COMMD2: variants seen among roughly 807,000 people sequenced by gnomAD.
COMMD2 encodes COMM domain-containing protein 2.
In COMMD2, 25 loss-of-function variants were observed where a neutral mutation model predicts 22.5. The ratio of observed to expected loss-of-function variants is 1.11; its 90% confidence interval spans 0.81 to 1.55. The LOEUF is 1.55. COMMD2 is among the 40% of genes most tolerant of loss of function. COMMD2 has a pLI of 0.00. For missense variants in COMMD2, 223 were observed against 232.9 expected (o/e 0.96, Z 0.28); for synonymous variants, 98 against 91.2 (o/e 1.07, Z -0.42).
Position 149,751,464 on chromosome 3 carries a change from T to G in COMMD2, c.167A>C (p.Asp56Ala), listed in dbSNP as rs1324688861. Residue 56 changes from aspartate to alanine, a missense_variant, in exon 3 of 5, where the codon GAC (aspartate) becomes GCC (alanine). Transcript: ENST00000473414. ...TCCTTCCACACCATGCTGGACAGTG[T>G]CACTACTCACATTGAGTTTTCCTGA... Reference protein sequence around the residue: ...GAARKLNVSSDTVQHGVEGLT... With the variant: ...GAARKLNVSSATVQHGVEGLT... 2 of 1,605,434 alleles carry G rather than the reference T, an allele frequency of 1.2e-6. No individual in the cohort carries two copies. Among genetic ancestry groups the G allele is most frequent in the South Asian group, 1.1e-5 (1 of 88,942 alleles).
At chr3:149,745,915 G>A (rs1716354141) in intron 4 of COMMD2, among the ~76,000 whole-genome samples, 1 of 152,124 alleles carries the variant, frequency 6.6e-6, no homozygotes, top group African/African-American at 2.4e-5. Flanking sequence ...TGTGTTAGTG[G>A]TTGTTTTTCC....
chr3:149,744,191 C>T (rs1333430123), intron 4 of COMMD2, among the ~76,000 whole-genome samples: 2 of 151,364 alleles, frequency 1.3e-5, no homozygotes, highest in Non-Finnish European at 2.9e-5. Context: ...TATGTCAATG[C>T]AAATTAGAAA....
chr3:149,748,883 G>A (rs982384860), intron 4 of COMMD2, among the ~76,000 whole-genome samples: 3 of 152,190 alleles, frequency 2.0e-5, no homozygotes, highest in Non-Finnish European at 4.4e-5. Context: ...AGCAGAAAAC[G>A]CATTTCACAT....
Position 149,741,056 on chromosome 3 carries a change from A to C in COMMD2, c.*465T>G, listed in dbSNP as rs1716199333. 6.6e-6 allele frequency: 1 copy of C among 152,106 alleles called. No individual in the cohort carries two copies. Among genetic ancestry groups the C allele is most frequent in the African/African-American group, 2.4e-5 (1 of 41,316 alleles). 9.4% of individuals were successfully genotyped at this position (152,106 alleles called of 1,614,324 possible). On this transcript the variant is annotated 3_prime_UTR_variant, in exon 5 of 5. Coordinates refer to ENST00000473414, the MANE Select transcript of COMMD2 (RefSeq NM_016094.4). ...TGATTACTTTTTTATTTTTATTTTT[A>C]CTTTATTATTATTATTATTATTTTT...
chr3:149,747,070 G>T (rs1282007987), intron 4 of COMMD2, among the ~76,000 whole-genome samples: 2 of 152,162 alleles, frequency 1.3e-5, no homozygotes, highest in Admixed American at 1.3e-4. Flanking sequence ...ATGAGATTTG[G>T]GTGGGGACAT....
At chr3:149,751,303 T>C in intron 3 of COMMD2, 100 bp downstream of exon 3, 1 of 1,555,552 alleles carries the variant, frequency 6.4e-7, no homozygotes, top group Non-Finnish European at 8.7e-7. Context: ...ATTAACAACA[T>C]TATTAAAACA....
At chr3:149,751,132 C>T (rs1183302528) in intron 3 of COMMD2, among the ~76,000 whole-genome samples, 1 of 152,134 alleles carries the variant, frequency 6.6e-6, no homozygotes, top group Admixed American at 6.5e-5. Flanking sequence ...ATACAGTCTC[C>T]CTCCTCTTAT....
rs759325062 is a variant in COMMD2, at chr3:149,752,368, G to A, written c.67+10C>T. 1.9e-6 allele frequency: 3 copies of A among 1,614,036 alleles called. No homozygotes were observed. Among genetic ancestry groups the A allele is most frequent in the Non-Finnish European group, 2.5e-6 (3 of 1,179,910 alleles). On this transcript the variant is annotated intron_variant, in intron 1 of 4. Transcript: ENST00000473414. ...CCAGCCCACAGAACACCGCCCCCAC[G>A]CCCGCTGACCCGCGCTGTCCACTTG...
intron 4 of COMMD2, among the ~76,000 whole-genome samples, chr3:149,743,125 ATTTGT>A (rs577364353): frequency 3.0e-4 from 45 of 152,230 alleles, no homozygotes; most frequent in Middle Eastern, 3.4e-3. Flanking sequence ...GTGTACTGGT[ATTTGT>A]TTTATCATTA....
intron 4 of COMMD2, among the ~76,000 whole-genome samples, chr3:149,742,872 A>T (rs1481183054): frequency 6.6e-6 from 1 of 151,854 alleles, no homozygotes; most frequent in Non-Finnish European, 1.5e-5. Flanking sequence ...AGGCTGAGGC[A>T]GGAAAACTGC....
intron 4 of COMMD2, among the ~76,000 whole-genome samples, chr3:149,746,219 T>G (rs1716360604): frequency 6.6e-6 from 1 of 152,198 alleles, no homozygotes; most frequent in African/African-American, 2.4e-5. Flanking sequence ...GGTGTGAAAT[T>G]TCCTACTTTT....
chr3:149,746,168 T>C (rs1029530287), intron 4 of COMMD2, among the ~76,000 whole-genome samples: 2 of 152,214 alleles, frequency 1.3e-5, no homozygotes, highest in Middle Eastern at 3.2e-3. Context: ...TAGTGCTGCC[T>C]GACTTCTAAT....
In COMMD2 at chr3:149,751,445, C is replaced by G; in HGVS notation, c.186G>C (p.Val62=). 6.2e-7 allele frequency: 1 copy of G among 1,613,930 alleles called. No individual in the cohort carries two copies. Among genetic ancestry groups the G allele is most frequent in the Non-Finnish European group, 8.5e-7 (1 of 1,179,930 alleles). The part of the protein sequence containing the change: ...NVSSDTVQHG[V]EGLTYLLTES... ...CAGTGAGGAGATACGTTAATCCTTC[C>G]ACACCATGCTGGACAGTGTCACTAC... The change falls in exon 3 of 5, where the codon GTG becomes GTC. Residue 62 remains valine (V), a synonymous_variant. Transcript: ENST00000473414.
At chr3:149,746,481 T>C (rs1317515987) in intron 4 of COMMD2, among the ~76,000 whole-genome samples, 1 of 152,058 alleles carries the variant, frequency 6.6e-6, no homozygotes, top group Non-Finnish European at 1.5e-5. Context: ...GGGTAATTTA[T>C]AAAGAAAAGG....
At chr3:149,745,346 C>T (rs896086050) in intron 4 of COMMD2, among the ~76,000 whole-genome samples, 1 of 152,212 alleles carries the variant, frequency 6.6e-6, no homozygotes, top group Non-Finnish European at 1.5e-5. Context: ...CCCTGCCACC[C>T]ACTCTTTCTG....
chr3:149,751,831 CTTT>C (rs11354448), intron 2 of COMMD2: 952 of 196,270 alleles, frequency 4.9e-3, no homozygotes, highest in East Asian at 9.9e-3. Context: ...TAAAACAACA[CTTT>C]TTTTTTTTTT....
rs575135432 is a variant in COMMD2 at position 149,739,230 on chromosome 3, T to C, written c.*2291A>G. On this transcript the variant is annotated 3_prime_UTR_variant, in exon 5 of 5. Transcript: ENST00000473414. ...GAACAGTGACTACCTCTAAAGAAAA[T>C]TATGTTCATATACAAGCTACAACAA... is the stretch of plus-strand genomic sequence containing the variant. The C allele has an allele frequency of 1.3e-5, 2 of 152,050 alleles. No homozygotes were observed. Among genetic ancestry groups the C allele is most frequent in the South Asian group, 4.1e-4 (2 of 4,832 alleles). The allele number at this position is 152,050 out of a possible 1,614,324, so 9.4% of individuals were successfully genotyped here.
intron 4 of COMMD2, among the ~76,000 whole-genome samples, chr3:149,747,136 C>T (rs1271858357): frequency 6.6e-6 from 1 of 152,164 alleles, no homozygotes; most frequent in Non-Finnish European, 1.5e-5. Context: ...GAACATATTG[C>T]CTTTGAATGC....
intron 2 of COMMD2, chr3:149,751,691 A>G (rs1243651648): frequency 8.4e-6 from 4 of 476,636 alleles, no homozygotes; most frequent in Middle Eastern, 5.5e-4. Context: ...AACCTTAACA[A>G]AATGCAGAAC....
Sources: gnomAD v4.1 joint callset for allele counts (sites outside exome capture counted in the v4.1 genomes callset) on GRCh38, gnomAD v4.1.1 for gene constraint, MANE v1.5 for transcripts, NCBI Gene and HGNC (gene_info 2026-07-23, HGNC 2026-07-21) for gene names.